FOXO3B: variants seen among roughly 807,000 people sequenced by gnomAD.
The protein encoded by FOXO3B is forkhead box protein O3B.
Under a neutral mutation model 21.9 loss-of-function variants are expected in FOXO3B, and 15 were observed. That is an observed-to-expected ratio of 0.68 (90% CI 0.46 to 1.05). The LOEUF (loss-of-function observed/expected upper bound fraction) is 1.05. FOXO3B is among the 50% of genes least tolerant of loss of function. FOXO3B has a pLI of 0.00. For missense variants in FOXO3B, 293 were observed against 435.5 expected (o/e 0.67, Z 2.91); for synonymous variants, 135 against 213.6 (o/e 0.63, Z 3.21).
At position 18,669,821 on chromosome 17, in the gene FOXO3B, A is replaced by G. The variant is rs1045089075; in HGVS notation, c.*2488T>C. Among the ~76,000 whole-genome samples the G allele has an allele frequency of 7.2e-5, 11 of 152,220 alleles. No individual in the cohort carries two copies. Among genetic ancestry groups the G allele is most frequent in the African/African-American group, 2.7e-4 (11 of 41,454 alleles). On this transcript the variant is annotated 3_prime_UTR_variant, in exon 4 of 4. Coordinates refer to ENST00000395675, the MANE Select transcript of FOXO3B (RefSeq NM_001368135.1). The stretch of plus-strand genomic sequence containing the variant: ...GGATGTGTATTTAGGAAAACAGTGA[A>G]GTTGGAACTGCCTCAGCATTGACTT...
chr17:18,674,078 C>T (rs1323940818), intron 3 of FOXO3B, among the ~76,000 whole-genome samples: 1 of 151,870 alleles, frequency 6.6e-6, no homozygotes, highest in African/African-American at 2.4e-5. Flanking sequence ...ATTGAAGTAT[C>T]GTTGACATAA....
Position 18,672,798 on chromosome 17 carries a change from G to A in FOXO3B, c.384C>T (p.Ser128=), listed in dbSNP as rs1318389234. The A allele has an allele frequency of 1.3e-6, 2 of 1,559,068 alleles. No homozygotes were observed. Among genetic ancestry groups the A allele is most frequent in the Non-Finnish European group, 1.7e-6 (2 of 1,154,700 alleles). Residue 128 remains serine (S), a synonymous_variant, in exon 4 of 4, where the codon AGC becomes AGT. Transcript: ENST00000395675. The surrounding 1 kb of genome is among the most constrained non-coding windows in gnomAD (Gnocchi z 4.2). ...WPLQRPELQA[S]PAKPSGETAA... ...CCGTCTCCCCCGAGGGCTTGGCAGG[G>A]CTCGCTTGGAGCTCCGGCCTTTGCA... is the stretch of plus-strand genomic sequence containing the variant.
rs1386941433 is a variant in FOXO3B, at chr17:18,671,825, G to A, written c.*484C>T. On this transcript the variant is annotated 3_prime_UTR_variant, in exon 4 of 4. Coordinates refer to ENST00000395675, the MANE Select transcript of FOXO3B (RefSeq NM_001368135.1). ...ATGGTGCCTGCCATGTCAGTCAGCC[G>A]TAGCAGTTCCACCGTGCACGGCTTG... 7.0e-6 allele frequency: 11 copies of A among 1,582,418 alleles called. No homozygotes were observed. The highest frequency in any genetic ancestry group is 3.3e-4 in the Middle Eastern group (2 of 6,018).
chr17:18,678,419 T>C (rs1404270177), intron 3 of FOXO3B, among the ~76,000 whole-genome samples: 1 of 151,890 alleles, frequency 6.6e-6, no homozygotes, highest in East Asian at 1.9e-4. Context: ...ATATACATAG[T>C]AGAGAGAGGC....
At position 18,680,400 on chromosome 17, in the gene FOXO3B, T is replaced by C. The variant is rs2032562979; in HGVS notation, c.126+341A>G. On this transcript the variant is annotated intron_variant, in intron 3 of 3. Transcript: ENST00000395675. ...TTAAAGTCACATACATGCTGTTTCC[T>C]CTAGAGAAACAAGTTTTAAGAGGTA... Among the ~76,000 whole-genome samples, 2 of 152,096 alleles carry C rather than the reference T, an allele frequency of 1.3e-5. 1 individual carries two copies. Among genetic ancestry groups the C allele is most frequent in the South Asian group, 4.1e-4 (2 of 4,822 alleles).
Position 18,680,822 on chromosome 17 carries a change from A to C in FOXO3B, c.45T>G (p.Ser15=). The C allele has an allele frequency of 6.2e-7, 1 of 1,602,624 alleles. No individual in the cohort carries two copies. The highest frequency in any genetic ancestry group is 1.1e-5 in the South Asian group (1 of 90,426). Residue 15 remains serine (S), a synonymous_variant, in exon 3 of 4, where the codon TCT becomes TCG. Coordinates refer to ENST00000395675, the MANE Select transcript of FOXO3B (RefSeq NM_001368135.1). ...CTTGGAAATGGGGAGAATCCTGGGAAGACAGAACTAACGACAAGAAAGCAG... is the reference window on the plus strand; with the variant it reads ...CTTGGAAATGGGGAGAATCCTGGGACGACAGAACTAACGACAAGAAAGCAG... ...LAEMPEKGVL[S]SQDSPHFQEK...
intron 3 of FOXO3B, among the ~76,000 whole-genome samples, chr17:18,674,433 G>A (rs1314050014): frequency 6.8e-6 from 1 of 147,338 alleles, no homozygotes; most frequent in Admixed American, 6.9e-5. Context: ...AGATCATCCT[G>A]GCTAACACGG....
Position 18,672,291 on chromosome 17 carries a change from G to C in FOXO3B, c.*18C>G, listed in dbSNP as rs1034899247. 1.2e-5 allele frequency: 20 copies of C among 1,611,604 alleles called. No homozygotes were observed. In the Admixed American group the frequency reaches 1.8e-4, roughly 15 times the overall value. On this transcript the variant is annotated 3_prime_UTR_variant, in exon 4 of 4. Transcript: ENST00000395675. The surrounding 1 kb of genome is among the most constrained non-coding windows in gnomAD (Gnocchi z 4.2). ...TGAATCGACTATGCAGTGACAGGTT[G>C]TGCCGGATGGAGTTCTTCTAGCCGG... is the stretch of plus-strand genomic sequence containing the variant.
chr17:18,674,813 G>A (rs1597496039), intron 3 of FOXO3B, among the ~76,000 whole-genome samples: 1 of 152,116 alleles, frequency 6.6e-6, no homozygotes, highest in South Asian at 2.1e-4. Flanking sequence ...GCATTTTCTA[G>A]GGCTGCTTTC....
rs2032389648 is a variant in FOXO3B at position 18,672,494 on chromosome 17, C to T, written c.688G>A (p.Gly230Arg). Residue 230 changes from glycine (G) to arginine (R), a missense_variant, in exon 4 of 4, where the codon GGG (glycine) becomes AGG (arginine). By Grantham distance (125) the Gly-to-Arg change is moderately radical. Around this residue, in one of 2 missense-constraint regions of FOXO3B, gnomAD observed 251 missense variants for 404.0 expected, o/e 0.62. Transcript: ENST00000395675. The surrounding 1 kb of genome is among the most constrained non-coding windows in gnomAD (Gnocchi z 4.2). ...CGCGACGAACATTTCCTCGGCTGCC[C>T]GGAGCCCCCAGCCGCCCCCGGCTGC... The part of the protein sequence containing the change: ...PPQPGAAGGS[G>R]QPRKCSSRRN... 2.6e-6 allele frequency: 4 copies of T among 1,543,208 alleles called. No homozygotes were observed. Among genetic ancestry groups the T allele is most frequent in the East Asian group, 2.4e-5 (1 of 41,468 alleles).
In FOXO3B at chr17:18,670,232, C is replaced by T. The variant is rs939383441; in HGVS notation, c.*2077G>A. Among the ~76,000 whole-genome samples the T allele has an allele frequency of 2.0e-5, 3 of 152,150 alleles. No homozygotes were observed. The highest frequency in any genetic ancestry group is 1.3e-4 in the Admixed American group (2 of 15,288). Reference sequence around the variant, plus strand: ...TGCCTATGCATGGTTCAGTCCTGGACGGGTGCGCATAGCAAACAATTGTGC... The same window carrying T: ...TGCCTATGCATGGTTCAGTCCTGGATGGGTGCGCATAGCAAACAATTGTGC... On this transcript the variant is annotated 3_prime_UTR_variant, in exon 4 of 4. Transcript: ENST00000395675.
rs2032336041 is a variant in FOXO3B at position 18,670,086 on chromosome 17, A to G, written c.*2223T>C. Among the ~76,000 whole-genome samples the G allele has an allele frequency of 1.3e-5, 2 of 152,058 alleles. No homozygotes were observed. Among genetic ancestry groups the G allele is most frequent in the Admixed American group, 1.3e-4 (2 of 15,278 alleles). On this transcript the variant is annotated 3_prime_UTR_variant, in exon 4 of 4. Transcript: ENST00000395675. ...CTGTTCACATTAGCTGAGGACACTGACAGGAGATCACAGGCCCTACTGATC... is the reference window on the plus strand; with the variant it reads ...CTGTTCACATTAGCTGAGGACACTGGCAGGAGATCACAGGCCCTACTGATC...
intron 1 of FOXO3B, 26 bp downstream of exon 1, chr17:18,682,178 G>C: frequency 1.5e-6 from 1 of 685,938 alleles, no homozygotes. Flanking sequence ...GAGCCGAGAC[G>C]AGAGACATCA....
intron 3 of FOXO3B, among the ~76,000 whole-genome samples, chr17:18,678,874 T>C (rs1292394373): frequency 6.6e-6 from 1 of 152,186 alleles, no homozygotes; most frequent in Non-Finnish European, 1.5e-5. Flanking sequence ...TGTAGGTATA[T>C]TCTATAAAGA....
intron 3 of FOXO3B, among the ~76,000 whole-genome samples, chr17:18,673,545 G>C (rs551872507): frequency 6.6e-6 from 1 of 152,096 alleles, no homozygotes; most frequent in Non-Finnish European, 1.5e-5. Flanking sequence ...AGTTACAGTA[G>C]GTCCTCTGAT....
In FOXO3B at chr17:18,672,062, A is replaced by G; in HGVS notation, c.*247T>C. On this transcript the variant is annotated 3_prime_UTR_variant, in exon 4 of 4. Coordinates refer to ENST00000395675, the MANE Select transcript of FOXO3B (RefSeq NM_001368135.1). The surrounding 1 kb of genome is among the most constrained non-coding windows in gnomAD (Gnocchi z 4.2). Reference sequence around the variant, plus strand: ...GACGTGGGGCTGCCAGACCACTTGGAGAGCTGGGAGGGACTGTCGTCAGCT... The same window carrying G: ...GACGTGGGGCTGCCAGACCACTTGGGGAGCTGGGAGGGACTGTCGTCAGCT... 1 of 1,611,076 alleles carries G rather than the reference A, an allele frequency of 6.2e-7. No homozygotes were observed. The highest frequency in any genetic ancestry group is 8.5e-7 in the Non-Finnish European group (1 of 1,178,506).
chr17:18,677,563 C>A, intron 3 of FOXO3B: 3 of 1,603,346 alleles, frequency 1.9e-6, no homozygotes, highest in Non-Finnish European at 2.6e-6. Context: ...CACGGGGGCG[C>A]CGGCGGGCCC....
intron 3 of FOXO3B, among the ~76,000 whole-genome samples, chr17:18,674,582 C>T (rs2032447150): frequency 7.0e-6 from 1 of 142,284 alleles, no homozygotes; most frequent in Non-Finnish European, 1.5e-5. Flanking sequence ...GCCAAGATCG[C>T]ACCACTGCAC....
Position 18,668,427 on chromosome 17 carries a change from A to G in FOXO3B, c.*3882T>C, listed in dbSNP as rs1346040973. 1.3e-5 allele frequency: 2 copies of G among 152,628 alleles called. No homozygotes were observed. Among genetic ancestry groups the G allele is most frequent in the East Asian group, 3.8e-4 (2 of 5,196 alleles). 9.5% of individuals were successfully genotyped at this position (152,628 alleles called of 1,614,324 possible). A position where few individuals can be genotyped will look rare whatever the true frequency, so the allele number is the denominator to read the frequency against. On this transcript the variant is annotated 3_prime_UTR_variant, in exon 4 of 4. Coordinates refer to ENST00000395675, the MANE Select transcript of FOXO3B (RefSeq NM_001368135.1). ...TTAAATGATAATCTGGTTCTAGGAC[A>G]TTCTGTAAGACATTCTGCCTGAAAT...
Sources: gnomAD v4.1 joint callset for allele counts (sites outside exome capture counted in the v4.1 genomes callset) on GRCh38, gnomAD v4.1.1 for gene constraint, gnomAD v4.1.1 regional missense constraint, Gnocchi (gnomAD v3.1) non-coding constraint, MANE v1.5 for transcripts, NCBI Gene and HGNC (gene_info 2026-07-23, HGNC 2026-07-21) for gene names.